PLEKHA7: variants seen among roughly 807,000 people sequenced by gnomAD.
The protein encoded by PLEKHA7 is pleckstrin homology domain-containing family A member 7.
A neutral mutation model predicts 170.0 loss-of-function variants in PLEKHA7; 104 were observed. That is an observed-to-expected ratio of 0.61 (90% CI 0.52 to 0.72). The LOEUF is 0.72. PLEKHA7 is among the 30% of genes least tolerant of loss of function. The pLI is 0.00. For synonymous variants in PLEKHA7, 648 were observed against 660.8 expected, an observed-to-expected ratio of 0.98 and a Z score of 0.30; for missense variants, 1,615 against 1,671.7, an observed-to-expected ratio of 0.97 and a Z score of 0.59.
At chr11:16,781,083 T>G in intron 26 of PLEKHA7, 39 of 895,860 alleles carry the variant, frequency 4.4e-5, no homozygotes, top group South Asian at 5.1e-5. Flanking sequence ...TTAAGCGGTG[T>G]GTTAGACTCC....
At chr11:16,923,408 C>T (rs1225359327) in intron 3 of PLEKHA7, among the ~76,000 whole-genome samples, 1 of 152,154 alleles carries the variant, frequency 6.6e-6, no homozygotes, top group Non-Finnish European at 1.5e-5. Flanking sequence ...GTGTACACAC[C>T]GCAAACCCAG....
At chr11:16,919,237 G>A (rs1858912919) in intron 3 of PLEKHA7, among the ~76,000 whole-genome samples, 1 of 151,916 alleles carries the variant, frequency 6.6e-6, no homozygotes, top group Non-Finnish European at 1.5e-5. Context: ...AGAAAAGAAA[G>A]ATTCACCCCT....
intron 3 of PLEKHA7, among the ~76,000 whole-genome samples, chr11:16,966,860 C>T (rs1862406586): frequency 6.6e-6 from 1 of 152,290 alleles, no homozygotes; most frequent in Admixed American, 6.5e-5. Context: ...TGCCTGAATT[C>T]AGGCCACCGT....
chr11:16,967,302 G>A (rs141141383), intron 3 of PLEKHA7, among the ~76,000 whole-genome samples: 5 of 152,274 alleles, frequency 3.3e-5, no homozygotes, highest in African/African-American at 7.2e-5. Flanking sequence ...CTAGGATAGC[G>A]CAGAAACCAT....
At chr11:16,788,768 G>C (rs1168503090) in intron 23 of PLEKHA7, 3 of 425,338 alleles carry the variant, frequency 7.1e-6, no homozygotes, top group South Asian at 2.7e-5. Flanking sequence ...TCTCCTCTCT[G>C]AACCCTGTAT....
intron 3 of PLEKHA7, 109 bp downstream of exon 3, chr11:17,013,880 A>G: frequency 1.6e-6 from 2 of 1,243,800 alleles, no homozygotes; most frequent in Non-Finnish European, 2.1e-6. Flanking sequence ...AGCGCGCGCC[A>G]ACGAGCCCGG....
intron 3 of PLEKHA7, among the ~76,000 whole-genome samples, chr11:16,979,247 C>T (rs1863262747): frequency 6.6e-6 from 1 of 152,160 alleles, no homozygotes; most frequent in African/African-American, 2.4e-5. Context: ...CCAGGCTGGT[C>T]TCGAACTCCT....
intron 3 of PLEKHA7, among the ~76,000 whole-genome samples, chr11:16,887,272 C>T (rs1232479116): frequency 6.6e-6 from 1 of 150,872 alleles, no homozygotes; most frequent in South Asian, 2.1e-4. Flanking sequence ...TATGGCAAAA[C>T]CCCATCTCTA....
chr11:16,895,469 C>T (rs947899822), intron 3 of PLEKHA7, among the ~76,000 whole-genome samples: 1 of 152,198 alleles, frequency 6.6e-6, no homozygotes, highest in East Asian at 1.9e-4. Context: ...ATTTATACTG[C>T]GCCTTTCCAG....
chr11:16,923,675 C>G (rs1859271369), intron 3 of PLEKHA7, among the ~76,000 whole-genome samples: 1 of 152,122 alleles, frequency 6.6e-6, no homozygotes. Flanking sequence ...CTCTGATACA[C>G]AGCCCACACC....
chr11:16,828,392 G>T (rs943384877), intron 9 of PLEKHA7, among the ~76,000 whole-genome samples: 1 of 152,148 alleles, frequency 6.6e-6, no homozygotes, highest in Non-Finnish European at 1.5e-5. Flanking sequence ...CACCATGATT[G>T]TAAGTTTCTT....
At chr11:16,932,982 C>A (rs1860046983) in intron 3 of PLEKHA7, among the ~76,000 whole-genome samples, 1 of 152,180 alleles carries the variant, frequency 6.6e-6, no homozygotes, top group South Asian at 2.1e-4. Flanking sequence ...AATTTGGGTT[C>A]TCTTCCAAAG....
At chr11:16,950,684 C>A (rs1334862755) in intron 3 of PLEKHA7, among the ~76,000 whole-genome samples, 1 of 152,178 alleles carries the variant, frequency 6.6e-6, no homozygotes, top group Non-Finnish European at 1.5e-5. Context: ...ATTCCCTCCA[C>A]CTGCCCATTC....
At chr11:16,973,451 T>C (rs1244553965) in intron 3 of PLEKHA7, among the ~76,000 whole-genome samples, 1 of 152,186 alleles carries the variant, frequency 6.6e-6, no homozygotes, top group Non-Finnish European at 1.5e-5. Flanking sequence ...AACTCTCCCC[T>C]GATGGCAGCA....
chr11:16,907,675 T>G (rs1384736206), intron 3 of PLEKHA7, among the ~76,000 whole-genome samples: 1 of 128,964 alleles, frequency 7.8e-6, no homozygotes, highest in African/African-American at 2.8e-5. Flanking sequence ...AGCCGCCCCG[T>G]CCGGGAGGTG....
At position 16,817,343 on chromosome 11, in the gene PLEKHA7, C is replaced by A; in HGVS notation, c.1344-21G>T. 6.3e-7 allele frequency: 1 copy of A among 1,582,756 alleles called. No individual in the cohort carries two copies. On this transcript the variant is annotated intron_variant, in intron 10 of 26. Transcript: ENST00000531066. The surrounding 1 kb of genome is among the most constrained non-coding windows in gnomAD (Gnocchi z 4.4). ...GAAGACTGAGGAGAAAGGGTAAGAA[C>A]GGGTCAGGCAACCAAGCGAGGGTTC...
intron 3 of PLEKHA7, among the ~76,000 whole-genome samples, chr11:16,984,358 G>A (rs1028187539): frequency 2.6e-5 from 4 of 152,010 alleles, no homozygotes; most frequent in African/African-American, 4.8e-5. Flanking sequence ...TAAAGCAAAA[G>A]TCAGATCATG....
chr11:16,922,080 A>G (rs913430855), intron 3 of PLEKHA7, among the ~76,000 whole-genome samples: 2 of 152,214 alleles, frequency 1.3e-5, no homozygotes, highest in Non-Finnish European at 2.9e-5. Flanking sequence ...GGCTGGAAAC[A>G]GGTTTGATAT....
chr11:16,790,102 G>C (rs1277194849), intron 21 of PLEKHA7: 8 of 556,664 alleles, frequency 1.4e-5, no homozygotes, highest in South Asian at 8.3e-5. Flanking sequence ...TGTCCCTGCA[G>C]ATCTGTGGAC....
Sources: gnomAD v4.1 joint callset for allele counts (sites outside exome capture counted in the v4.1 genomes callset) on GRCh38, gnomAD v4.1.1 for gene constraint, Gnocchi (gnomAD v3.1) non-coding constraint, MANE v1.5 for transcripts, NCBI Gene and HGNC (gene_info 2026-07-23, HGNC 2026-07-21) for gene names.